UHRF2: variants seen among roughly 807,000 people sequenced by gnomAD.
UHRF2 encodes the protein ubiquitin like with PHD and ring finger domains 2.
UHRF2 carries 23 observed loss-of-function variants against 96.8 expected under a neutral mutation model. That is an observed-to-expected ratio of 0.24 (90% CI 0.17 to 0.34). The LOEUF (loss-of-function observed/expected upper bound fraction) is 0.34. Ranked by LOEUF, UHRF2 falls within the 10% of genes least tolerant of loss-of-function variation. The probability of loss-of-function intolerance (pLI) is 1.00; values close to 1 mark genes in which losing one functional copy is unlikely to be tolerated. For missense variants in UHRF2, 685 were observed against 981.5 expected, an observed-to-expected ratio of 0.70 and a Z score of 4.04; for synonymous variants, 385 against 332.6, an observed-to-expected ratio of 1.16 and a Z score of -1.72.
intron 2 of UHRF2, among the ~76,000 whole-genome samples, chr9:6,427,802 C>T (rs887953098): frequency 2.0e-5 from 3 of 152,158 alleles, no homozygotes; most frequent in African/African-American, 7.2e-5. Context: ...TTGCAAGAAA[C>T]TAGATACCAC....
Position 6,413,842 on chromosome 9 carries a change from A to C in UHRF2, c.153+199A>C, listed in dbSNP as rs1009047837. On this transcript the variant is annotated intron_variant, in intron 1 of 15. Coordinates refer to ENST00000276893, the MANE Select transcript of UHRF2 (RefSeq NM_152896.3). ...GGGGAGTGGGTCCCTGCCAGCCCCA[A>C]CTGGAGGTGCGCCGCGCGGGGTCAG... 8 of 566,976 alleles carry C rather than the reference A, an allele frequency of 1.4e-5. No individual in the cohort carries two copies. In the South Asian group the frequency reaches 2.4e-4, roughly 17 times the overall value. The allele number at this position is 566,976 out of a possible 1,614,324, so 35.1% of individuals were successfully genotyped here. A position where few individuals can be genotyped will look rare whatever the true frequency, so the allele number is the denominator to read the frequency against.
At chr9:6,447,935 A>G (rs112758367) in intron 3 of UHRF2, among the ~76,000 whole-genome samples, 81 of 152,370 alleles carry the variant, frequency 5.3e-4, no homozygotes, top group African/African-American at 1.9e-3. Context: ...ACTAAAAACA[A>G]GAGGATTGGT....
rs1413053315 is a variant in UHRF2 at position 6,420,945 on chromosome 9, G to A, written c.187G>A (p.Val63Ile). 4 of 1,613,942 alleles carry A rather than the reference G, an allele frequency of 2.5e-6. No individual in the cohort carries two copies. The highest frequency in any genetic ancestry group is 8.5e-7 in the Non-Finnish European group (1 of 1,179,968). Residue 63 changes from valine (V) to isoleucine (I), a missense_variant, in exon 2 of 16, where the codon GTT (valine) becomes ATT (isoleucine). Coordinates refer to ENST00000276893, the MANE Select transcript of UHRF2 (RefSeq NM_152896.3). ...ENGYTLFDYD[V>I]GLNDIIQLLV... Reference sequence around the variant, plus strand: ...TGGATATACCTTATTTGATTATGATGTTGGACTGAATGATATAATTCAGCT... The same window carrying A: ...TGGATATACCTTATTTGATTATGATATTGGACTGAATGATATAATTCAGCT...
intron 13 of UHRF2, 56 bp downstream of exon 13, chr9:6,499,987 G>C: frequency 2.2e-6 from 3 of 1,375,210 alleles, no homozygotes; most frequent in Non-Finnish European, 3.0e-6. Context: ...TGTTGTTGTT[G>C]TTGAGACGGG....
intron 4 of UHRF2, among the ~76,000 whole-genome samples, chr9:6,470,019 T>A (rs1823145824): frequency 6.6e-6 from 1 of 152,104 alleles, no homozygotes; most frequent in South Asian, 2.1e-4. Context: ...TGACCAAGTT[T>A]TCATTAGAAG....
At chr9:6,417,277 A>C (rs990509363) in intron 1 of UHRF2, among the ~76,000 whole-genome samples, 2 of 151,974 alleles carry the variant, frequency 1.3e-5, no homozygotes, top group Admixed American at 6.5e-5. Context: ...GTGGTCTGAC[A>C]AAAAATCCTA....
intron 2 of UHRF2, among the ~76,000 whole-genome samples, chr9:6,424,039 T>G (rs762547344): frequency 6.6e-6 from 1 of 152,214 alleles, no homozygotes; most frequent in African/African-American, 2.4e-5. Context: ...GTATTCCCTT[T>G]AAAGACGAGC....
intron 1 of UHRF2, among the ~76,000 whole-genome samples, chr9:6,419,639 A>G (rs564564899): frequency 6.6e-6 from 1 of 152,378 alleles, no homozygotes; most frequent in Admixed American, 6.5e-5. Context: ...AAGTTGATTC[A>G]AGCACTGATT....
At chr9:6,476,841 A>G (rs1289420033) in intron 5 of UHRF2, among the ~76,000 whole-genome samples, 1 of 151,972 alleles carries the variant, frequency 6.6e-6, no homozygotes, top group African/African-American at 2.4e-5. Flanking sequence ...GATCCGCCCA[A>G]CCCAGCCTCC....
At chr9:6,444,098 A>ATTATTATGTAATTATTTCTAGAAT (rs1453422053) in intron 3 of UHRF2, among the ~76,000 whole-genome samples, 3 of 152,238 alleles carry the variant, frequency 2.0e-5, no homozygotes, top group Non-Finnish European at 4.4e-5. Flanking sequence ...TAATAGTGTC[A>ATTATTATGTAATTATTTCTAGAAT]AATGTAATTA....
intron 4 of UHRF2, chr9:6,468,346 T>G: frequency 2.3e-6 from 1 of 428,306 alleles, no homozygotes; most frequent in Non-Finnish European, 4.7e-6. Flanking sequence ...AGCACCTGTT[T>G]GCAGGTAGGG....
intron 12 of UHRF2, chr9:6,498,986 G>T (rs1825120741): frequency 6.6e-6 from 1 of 152,180 alleles, no homozygotes; most frequent in South Asian, 2.1e-4. Context: ...TAAACTCATA[G>T]AATTGATTGT....
At chr9:6,479,269 G>A (rs576062216) in intron 6 of UHRF2, among the ~76,000 whole-genome samples, 67 of 152,172 alleles carry the variant, frequency 4.4e-4, no homozygotes, top group African/African-American at 1.5e-3. Context: ...ATCTGCTTAT[G>A]TCAGGTTCAC....
At chr9:6,465,300 C>G (rs1761267866) in intron 4 of UHRF2, among the ~76,000 whole-genome samples, 1 of 152,128 alleles carries the variant, frequency 6.6e-6, no homozygotes, top group Admixed American at 6.5e-5. Context: ...ATTTTCCTAT[C>G]TCAGTGTCCT....
chr9:6,492,928 T>C (rs1225633402), intron 9 of UHRF2: 1 of 151,688 alleles, frequency 6.6e-6, no homozygotes, highest in Non-Finnish European at 1.5e-5. Context: ...TGGGAGGCTA[T>C]TATTTTACCT....
At chr9:6,485,578 GGCTTCTAAAA>G (rs1175846280) in intron 8 of UHRF2, among the ~76,000 whole-genome samples, 4 of 151,300 alleles carry the variant, frequency 2.6e-5, no homozygotes, top group South Asian at 2.1e-4. Context: ...CCTTCTTGTT[GGCTTCTAAAA>G]GCTTCTAAAG....
intron 3 of UHRF2, among the ~76,000 whole-genome samples, chr9:6,453,895 ACTCCGT>A (rs1822017700): frequency 6.6e-6 from 1 of 152,064 alleles, no homozygotes; most frequent in South Asian, 2.1e-4. Flanking sequence ...ACAGAGTAAG[ACTCCGT>A]CTCAAAAAAA....
At chr9:6,448,676 A>G (rs1424716084) in intron 3 of UHRF2, among the ~76,000 whole-genome samples, 1 of 152,250 alleles carries the variant, frequency 6.6e-6, no homozygotes, top group Non-Finnish European at 1.5e-5. Flanking sequence ...ACAGTTTAAC[A>G]ACAAAAAATA....
intron 8 of UHRF2, among the ~76,000 whole-genome samples, chr9:6,485,162 T>C (rs1391657963): frequency 6.6e-6 from 1 of 152,218 alleles, no homozygotes; most frequent in East Asian, 1.9e-4. Flanking sequence ...ATCTTTGCAA[T>C]AGTTGTATTA....
Sources: gnomAD v4.1 joint callset for allele counts (sites outside exome capture counted in the v4.1 genomes callset) on GRCh38, gnomAD v4.1.1 for gene constraint, MANE v1.5 for transcripts, NCBI Gene and HGNC (gene_info 2026-07-23, HGNC 2026-07-21) for gene names.